The following FRMD4B variants were observed in gnomAD, a reference collection of about 807,000 sequenced individuals.
The protein encoded by FRMD4B is FERM domain containing 4B, also known as FERM domain-containing protein 4B.
Under a neutral mutation model 141.5 loss-of-function variants are expected in FRMD4B, and 74 were observed. That is an observed-to-expected ratio of 0.52 (90% confidence interval 0.43 to 0.63). The LOEUF is 0.63. Among genes scored for constraint, FRMD4B ranks in the 30% least tolerant of loss-of-function variants. FRMD4B has a pLI of 0.00. For synonymous variants in FRMD4B, 506 were observed against 467.9 expected (o/e 1.08, Z -1.05); for missense variants, 1,366 against 1,253.4 (o/e 1.09, Z -1.36).
At chr3:69,172,570 G>A (rs2092599467) in intron 22 of FRMD4B, among the ~76,000 whole-genome samples, 3 of 152,116 alleles carry the variant, frequency 2.0e-5, no homozygotes, top group Non-Finnish European at 4.4e-5. Context: ...TTCGAATTGA[G>A]GGAATATGCT....
chr3:69,525,525 CTT>C (rs1446537432), intron 1 of FRMD4B, among the ~76,000 whole-genome samples: 1 of 152,220 alleles, frequency 6.6e-6, no homozygotes, highest in African/African-American at 2.4e-5. Flanking sequence ...TGTATGTAGG[CTT>C]TGAGGATTCA....
At chr3:69,172,872 T>C (rs906458565) in intron 22 of FRMD4B, among the ~76,000 whole-genome samples, 3 of 152,130 alleles carry the variant, frequency 2.0e-5, no homozygotes, top group African/African-American at 4.8e-5. Context: ...TTAGTAAAGG[T>C]GATTTTTTTT....
At position 69,216,303 on chromosome 3, in the gene FRMD4B, A is replaced by G; in HGVS notation, c.836T>C (p.Ile279Thr). 6.3e-7 allele frequency: 1 copy of G among 1,580,604 alleles called. No individual in the cohort carries two copies. The highest frequency in any genetic ancestry group is 1.8e-5 in the Admixed American group (1 of 56,594). ...PWWLGISYKGIGQYDIQDKVK... is the reference protein window; with the variant it reads ...PWWLGISYKGTGQYDIQDKVK... ...CTTGTCTTGTATATCATATTGGCCA[A>G]TTCCCTTATAGCTTATTCCAAGCCA... is the stretch of plus-strand genomic sequence containing the variant. The change falls in exon 11 of 23, where the codon ATT (isoleucine) becomes ACT (threonine). Residue 279 changes from isoleucine (I) to threonine (T), a missense_variant. Coordinates refer to ENST00000398540, the MANE Select transcript of FRMD4B (RefSeq NM_015123.3).
intron 10 of FRMD4B, among the ~76,000 whole-genome samples, chr3:69,218,001 T>G (rs2093157861): frequency 6.6e-6 from 1 of 152,154 alleles, no homozygotes; most frequent in Non-Finnish European, 1.5e-5. Context: ...ATGAAGCTGT[T>G]GAAATAACGC....
intron 5 of FRMD4B, among the ~76,000 whole-genome samples, chr3:69,287,358 T>G (rs1700721487): frequency 6.6e-6 from 1 of 152,362 alleles, no homozygotes; most frequent in African/African-American, 2.4e-5. Context: ...AGGCAGAAAT[T>G]GAACCGAAAT....
At chr3:69,519,767 T>C (rs1032391817) in intron 1 of FRMD4B, among the ~76,000 whole-genome samples, 1 of 151,880 alleles carries the variant, frequency 6.6e-6, no homozygotes, top group African/African-American at 2.4e-5. Context: ...TGAAACCAAT[T>C]TGTAGTCTTT....
intron 1 of FRMD4B, among the ~76,000 whole-genome samples, chr3:69,350,989 A>T (rs954681469): frequency 6.6e-6 from 1 of 152,206 alleles, no homozygotes. Context: ...ATAATAATAA[A>T]AAAAGAAAAC....
chr3:69,520,422 G>GATATAT (rs59416296), intron 1 of FRMD4B, among the ~76,000 whole-genome samples: 6 of 134,718 alleles, frequency 4.5e-5, no homozygotes, highest in African/African-American at 1.2e-4. Flanking sequence ...TTTTTTCTGT[G>GATATAT]ATATATATAT....
chr3:69,217,987 T>A (rs1452805733), intron 10 of FRMD4B, among the ~76,000 whole-genome samples: 1 of 152,196 alleles, frequency 6.6e-6, no homozygotes, highest in Non-Finnish European at 1.5e-5. Flanking sequence ...AATTTCAGAA[T>A]TTTATGAAGC....
At chr3:69,402,234 G>C (rs1252811929) in intron 2 of FRMD4B, among the ~76,000 whole-genome samples, 2 of 152,144 alleles carry the variant, frequency 1.3e-5, no homozygotes, top group Non-Finnish European at 2.9e-5. Context: ...AGACCAAAGG[G>C]GATATCTACT....
intron 11 of FRMD4B, among the ~76,000 whole-genome samples, chr3:69,203,320 CAAAAAAA>C (rs796607832): frequency 1.1e-3 from 118 of 107,902 alleles, no homozygotes; most frequent in African/African-American, 4.3e-3. Context: ...CAAACTTCAG[CAAAAAAA>C]AAAAAAAAAA....
chr3:69,207,954 A>G (rs1184928766), intron 11 of FRMD4B, among the ~76,000 whole-genome samples: 2 of 152,116 alleles, frequency 1.3e-5, no homozygotes, highest in South Asian at 2.1e-4. Context: ...ATCTTGGCTC[A>G]CTGTAACTTC....
intron 7 of FRMD4B, 66 bp from the exon 8 acceptor site, chr3:69,224,756 C>T (rs1374691176): frequency 7.9e-6 from 6 of 759,116 alleles, no homozygotes; most frequent in Non-Finnish European, 1.4e-5. Flanking sequence ...AGCCGGTCAC[C>T]AAATGAATTA....
chr3:69,376,107 AT>A (rs1374976105), intron 1 of FRMD4B, among the ~76,000 whole-genome samples: 1 of 152,172 alleles, frequency 6.6e-6, no homozygotes, highest in Non-Finnish European at 1.5e-5. Context: ...AATTATATAT[AT>A]TGTTTATAGA....
chr3:69,288,324 G>C (rs1700762580), intron 4 of FRMD4B, among the ~76,000 whole-genome samples: 1 of 152,342 alleles, frequency 6.6e-6, no homozygotes, highest in South Asian at 2.1e-4. Context: ...CCATTCACTG[G>C]GTGAGTTTCC....
chr3:69,219,691 T>C (rs186461408), intron 9 of FRMD4B, among the ~76,000 whole-genome samples: 40 of 152,188 alleles, frequency 2.6e-4, no homozygotes, highest in Non-Finnish European at 4.6e-4. Flanking sequence ...ATGTATGCCA[T>C]AGTGATTTGC....
rs1704235031 is a variant in FRMD4B, at chr3:69,385,739, G to C, written c.162+89C>G. 8.7e-6 allele frequency: 10 copies of C among 1,148,416 alleles called. No homozygotes were observed. The South Asian group carries it at 1.8e-4, about 20-fold the overall frequency. 71.1% of individuals were successfully genotyped at this position (1,148,416 alleles called of 1,614,324 possible). A position where few individuals can be genotyped will look rare whatever the true frequency, so the allele number is the denominator to read the frequency against. ...TCTGCTAGGAGTTTAAGAAGAGCTG[G>C]GGGGAATAAAATCATACAGGTGGAG... is the stretch of plus-strand genomic sequence containing the variant. On this transcript the variant is annotated intron_variant, in intron 1 of 22. Coordinates refer to ENST00000398540, the MANE Select transcript of FRMD4B (RefSeq NM_015123.3).
chr3:69,445,985 A>T (rs1343953781), intron 1 of FRMD4B, among the ~76,000 whole-genome samples: 1 of 152,156 alleles, frequency 6.6e-6, no homozygotes, highest in Non-Finnish European at 1.5e-5. Flanking sequence ...CACATAGTAG[A>T]TACTCAGTGA....
At chr3:69,529,335 T>C (rs888314486) in intron 1 of FRMD4B, among the ~76,000 whole-genome samples, 2 of 152,222 alleles carry the variant, frequency 1.3e-5, no homozygotes, top group Non-Finnish European at 2.9e-5. Context: ...TAACCAAGCA[T>C]GTCTATAGGC....
Sources: gnomAD v4.1 joint callset for allele counts (sites outside exome capture counted in the v4.1 genomes callset) on GRCh38, gnomAD v4.1.1 for gene constraint, MANE v1.5 for transcripts, NCBI Gene and HGNC (gene_info 2026-07-23, HGNC 2026-07-21) for gene names.